Variants in GABRB1 observed in about 807,000 individuals in gnomAD.
GABRB1 encodes gamma-aminobutyric acid receptor subunit beta-1.
A neutral mutation model predicts 51.6 loss-of-function variants in GABRB1; 17 were observed. The ratio of observed to expected loss-of-function variants is 0.33; its 90% CI spans 0.23 to 0.49. The LOEUF (loss-of-function observed/expected upper bound fraction) is 0.49, where lower values mean the gene tolerates loss of function less well. Ranked by LOEUF, GABRB1 falls within the 20% of genes least tolerant of loss-of-function variation. The pLI, the probability that GABRB1 is intolerant of heterozygous loss-of-function variation, is 0.99. For missense variants in GABRB1, 410 were observed against 600.6 expected, an observed-to-expected ratio of 0.68 and a Z score of 3.32; for synonymous variants, 247 against 218.9, an observed-to-expected ratio of 1.13 and a Z score of -1.14.
At chr4:47,219,304 G>A (rs938485893) in intron 4 of GABRB1, among the ~76,000 whole-genome samples, 3 of 151,866 alleles carry the variant, frequency 2.0e-5, no homozygotes, top group Admixed American at 2.0e-4. Flanking sequence ...AGTCGCATAA[G>A]CCTTTCAGAG....
intron 5 of GABRB1, among the ~76,000 whole-genome samples, chr4:47,332,254 C>A (rs77962365): frequency 0.026 from 4,016 of 152,222 alleles, 217 homozygotes; most frequent in African/African-American, 0.09. Context: ...AAATGGCTAC[C>A]AATACTATTC....
chr4:47,355,299 A>G (rs1437227895), intron 5 of GABRB1, among the ~76,000 whole-genome samples: 1 of 150,706 alleles, frequency 6.6e-6, no homozygotes, highest in East Asian at 1.9e-4. Context: ...TCATCTTGAA[A>G]CTCAAGGAAA....
chr4:47,183,191 C>A (rs1341312882), intron 4 of GABRB1, among the ~76,000 whole-genome samples: 1 of 151,388 alleles, frequency 6.6e-6, no homozygotes, highest in Non-Finnish European at 1.5e-5. Flanking sequence ...ACTGACATCT[C>A]TGTGACCCAC....
intron 4 of GABRB1, among the ~76,000 whole-genome samples, chr4:47,288,275 A>ATTG: frequency 6.7e-6 from 1 of 149,496 alleles, no homozygotes. Context: ...TATTATTGTT[A>ATTG]TTATTAAGAT....
At chr4:47,215,131 G>C (rs1226286999) in intron 4 of GABRB1, among the ~76,000 whole-genome samples, 1 of 152,076 alleles carries the variant, frequency 6.6e-6, no homozygotes, top group Non-Finnish European at 1.5e-5. Context: ...AAGGAAGGGG[G>C]ACACTGTTAT....
chr4:47,221,898 T>A (rs1720781671), intron 4 of GABRB1, among the ~76,000 whole-genome samples: 1 of 152,078 alleles, frequency 6.6e-6, no homozygotes. Context: ...AACAGCACTA[T>A]AACTCATGCC....
At position 47,130,409 on chromosome 4, in the gene GABRB1, G is replaced by A. The variant is rs369219943; in HGVS notation, c.241-30840G>A. ...CTTTTCCAGTTTAAGAAAATACAATGTTCCTGGAAAATTCAGCTCCTGGAA... is the reference window on the plus strand; with the variant it reads ...CTTTTCCAGTTTAAGAAAATACAATATTCCTGGAAAATTCAGCTCCTGGAA... On this transcript the variant is annotated intron_variant, in intron 3 of 8. Coordinates refer to ENST00000295454, the MANE Select transcript of GABRB1 (RefSeq NM_000812.4). 3.3e-5 allele frequency among the ~76,000 whole-genome samples: 5 copies of A among 150,102 alleles called. No homozygotes were observed. In the East Asian group the frequency reaches 9.9e-4, roughly 30 times the overall value.
At chr4:47,293,096 GC>G (rs1420538510) in intron 4 of GABRB1, among the ~76,000 whole-genome samples, 3 of 151,998 alleles carry the variant, frequency 2.0e-5, no homozygotes, top group Non-Finnish European at 4.4e-5. Flanking sequence ...AAATTTGGGG[GC>G]AGAGTAAGCA....
chr4:47,206,450 G>A (rs879589650), intron 4 of GABRB1, among the ~76,000 whole-genome samples: 6 of 151,678 alleles, frequency 4.0e-5, no homozygotes, highest in Non-Finnish European at 5.9e-5. Flanking sequence ...CTGTGTCTCC[G>A]GAAAATGGCC....
At chr4:47,409,452 G>C (rs59880052) in intron 8 of GABRB1, among the ~76,000 whole-genome samples, 6,873 of 152,144 alleles carry the variant, frequency 0.045, 519 homozygotes, top group African/African-American at 0.15. Context: ...CCATCTCTCC[G>C]ACCATCTCCA....
chr4:47,128,185 T>A (rs553444926), intron 3 of GABRB1, among the ~76,000 whole-genome samples: 4 of 151,956 alleles, frequency 2.6e-5, no homozygotes, highest in Non-Finnish European at 5.9e-5. Flanking sequence ...GGTAGTTATA[T>A]CTTGGACTAA....
chr4:47,312,459 AC>A (rs1268697967), intron 4 of GABRB1, among the ~76,000 whole-genome samples: 2 of 152,148 alleles, frequency 1.3e-5, no homozygotes, highest in Non-Finnish European at 2.9e-5. Flanking sequence ...ACTTAGACTA[AC>A]CCATCCATCT....
chr4:46,993,876 C>T (rs561919555), exon 1 of GABRB1: 39 of 173,264 alleles, frequency 2.3e-4, no homozygotes, highest in Admixed American at 1.1e-3. Flanking sequence ...TCCTGGCCCC[C>T]TCCCTTCCGC....
At chr4:47,399,262 A>G (rs927218185) in intron 5 of GABRB1, among the ~76,000 whole-genome samples, 2 of 152,246 alleles carry the variant, frequency 1.3e-5, no homozygotes, top group African/African-American at 4.8e-5. Context: ...AACTTAGAAT[A>G]AACCATATTG....
At chr4:47,378,538 T>C (rs921746895) in intron 5 of GABRB1, among the ~76,000 whole-genome samples, 4 of 152,162 alleles carry the variant, frequency 2.6e-5, no homozygotes, top group African/African-American at 9.7e-5. Flanking sequence ...CCTCAAGTGC[T>C]GCCAAAGTGG....
At chr4:47,152,170 A>G (rs1378527950) in intron 3 of GABRB1, among the ~76,000 whole-genome samples, 1 of 151,978 alleles carries the variant, frequency 6.6e-6, no homozygotes, top group Non-Finnish European at 1.5e-5. Flanking sequence ...TAGTTATGTG[A>G]AAGTCTCCAT....
At chr4:47,024,440 C>G (rs2109455600) in intron 1 of GABRB1, among the ~76,000 whole-genome samples, 1 of 152,042 alleles carries the variant, frequency 6.6e-6, no homozygotes, top group Middle Eastern at 3.4e-3. Flanking sequence ...TGCAATCCCC[C>G]AAATCCTCCA....
intron 1 of GABRB1, among the ~76,000 whole-genome samples, chr4:47,001,871 T>C (rs1400857681): frequency 6.6e-6 from 1 of 152,274 alleles, no homozygotes; most frequent in Non-Finnish European, 1.5e-5. Flanking sequence ...GTCAATTCAA[T>C]GTTAAAATTT....
At chr4:47,398,265 AT>A (rs1387701876) in intron 5 of GABRB1, among the ~76,000 whole-genome samples, 1 of 152,196 alleles carries the variant, frequency 6.6e-6, no homozygotes, top group Non-Finnish European at 1.5e-5. Context: ...ATTGTTTGTA[AT>A]AGCTCTTCAG....
Sources: gnomAD v4.1 joint callset for allele counts (sites outside exome capture counted in the v4.1 genomes callset) on GRCh38, gnomAD v4.1.1 for gene constraint, MANE v1.5 for transcripts, NCBI Gene and HGNC (gene_info 2026-07-23, HGNC 2026-07-21) for gene names.